The following THNSL1 variants were observed in gnomAD, a reference collection of about 807,000 sequenced individuals.
THNSL1 encodes threonine synthase like 1.
In THNSL1, 48 loss-of-function variants were observed where a neutral mutation model predicts 50.4. That is an observed-to-expected ratio of 0.95 (90% CI 0.76 to 1.21). The LOEUF (loss-of-function observed/expected upper bound fraction) is 1.21. Among genes scored for constraint, THNSL1 ranks in the 50% most tolerant of loss-of-function variants. THNSL1 has a pLI of 0.00. For synonymous variants in THNSL1, 309 were observed against 306.1 expected (o/e 1.01, Z -0.10); for missense variants, 896 against 871.7 (o/e 1.03, Z -0.35).
chr10:24,989,511 A>G, the THNSL1 span, among the ~76,000 whole-genome samples: 340 of 152,334 alleles, frequency 2.2e-3, no homozygotes, highest in African/African-American at 7.3e-3. Flanking sequence ...CTGCACACAT[A>G]CACATATTCA....
At chr10:24,999,424 G>A in the THNSL1 span, 3 of 1,608,598 alleles carry the variant, frequency 1.9e-6, no homozygotes, top group African/African-American at 1.3e-5. Context: ...TTTTTCCTTT[G>A]AATGTTTCTT....
the THNSL1 span, among the ~76,000 whole-genome samples, chr10:24,979,619 C>T: frequency 6.6e-6 from 1 of 152,142 alleles, no homozygotes; most frequent in East Asian, 1.9e-4. Flanking sequence ...AGAGCTTATT[C>T]ATTGCCTTCT....
At chr10:24,988,664 G>GTATA in the THNSL1 span, among the ~76,000 whole-genome samples, 2 of 98,840 alleles carry the variant, frequency 2.0e-5, no homozygotes, top group Non-Finnish European at 4.3e-5. Context: ...CACAGCATAT[G>GTATA]TATATATATA....
chr10:24,984,618 A>T, the THNSL1 span: 1 of 1,088,024 alleles, frequency 9.2e-7, no homozygotes, highest in Non-Finnish European at 1.3e-6. Flanking sequence ...CATTCTGATT[A>T]AGACTATTTT....
chr10:25,018,909 A>G (rs766617095), intron 1 of THNSL1, among the ~76,000 whole-genome samples: 1 of 152,172 alleles, frequency 6.6e-6, no homozygotes, highest in Non-Finnish European at 1.5e-5. Context: ...AGTAATATAA[A>G]GACTAAGTGA....
chr10:25,018,659 G>GTTTTTTTTTTTTTTTTTTTTTTTTTTT (rs374289213), intron 1 of THNSL1, among the ~76,000 whole-genome samples: 1 of 93,716 alleles, frequency 1.1e-5, no homozygotes, highest in Admixed American at 1.3e-4. Flanking sequence ...AATGAGAGTT[G>GTTTTTTTTTTTTTTTTTTTTTTTTTTT]TTTTTTTTTT....
chr10:24,974,470 G>A, the THNSL1 span, among the ~76,000 whole-genome samples: 31 of 152,268 alleles, frequency 2.0e-4, 1 homozygote, highest in African/African-American at 5.8e-4. Flanking sequence ...GAAAGTAGAC[G>A]TCTTATGAAG....
the THNSL1 span, among the ~76,000 whole-genome samples, chr10:24,971,295 GGTTGCCACTAT>G: frequency 6.6e-6 from 1 of 151,854 alleles, no homozygotes; most frequent in African/African-American, 2.4e-5. Context: ...TGTAGAGACA[GGTTGCCACTAT>G]GTTACACAGG....
the THNSL1 span, among the ~76,000 whole-genome samples, chr10:24,969,643 G>A: frequency 6.6e-6 from 1 of 150,810 alleles, no homozygotes; most frequent in Non-Finnish European, 1.5e-5. Flanking sequence ...TTTCAAAACG[G>A]CTACTTAAGT....
upstream of THNSL1, among the ~76,000 whole-genome samples, chr10:25,016,428 G>T (rs915713239): frequency 2.0e-5 from 3 of 152,238 alleles, no homozygotes; most frequent in African/African-American, 7.2e-5. Flanking sequence ...CACCCAATAA[G>T]GTTTTTGTGA....
the THNSL1 span, among the ~76,000 whole-genome samples, chr10:24,978,955 T>C: frequency 2.6e-5 from 4 of 152,246 alleles, no homozygotes; most frequent in African/African-American, 7.2e-5. Context: ...CAGTCAGACC[T>C]GCTGATTTTT....
At chr10:25,022,402 G>T (rs1324957999) in intron 2 of THNSL1, among the ~76,000 whole-genome samples, 1 of 152,156 alleles carries the variant, frequency 6.6e-6, no homozygotes, top group Non-Finnish European at 1.5e-5. Flanking sequence ...GTTCTGTGCA[G>T]ATAAGGTTAT....
the THNSL1 span, among the ~76,000 whole-genome samples, chr10:24,974,124 T>C: frequency 1.1e-4 from 16 of 152,128 alleles, no homozygotes; most frequent in African/African-American, 3.9e-4. Context: ...GAACATATTA[T>C]AGGAGAGCAG....
the THNSL1 span, among the ~76,000 whole-genome samples, chr10:24,988,602 A>G: frequency 6.9e-6 from 1 of 145,084 alleles, no homozygotes; most frequent in South Asian, 2.2e-4. Flanking sequence ...CCAATGCACT[A>G]GTCACCACTG....
the THNSL1 span, among the ~76,000 whole-genome samples, chr10:24,996,377 A>T: frequency 6.6e-6 from 1 of 152,114 alleles, no homozygotes; most frequent in East Asian, 1.9e-4. Context: ...AACCGAGATC[A>T]TGCCATTGTA....
the THNSL1 span, chr10:24,990,422 T>G: frequency 5.7e-6 from 9 of 1,579,004 alleles, no homozygotes; most frequent in Non-Finnish European, 8.6e-7. Context: ...TCAGAGATGA[T>G]CCAAAGAGTT....
chr10:25,014,687 G>T (rs754791413), upstream of THNSL1, among the ~76,000 whole-genome samples: 1 of 152,160 alleles, frequency 6.6e-6, no homozygotes, highest in Non-Finnish European at 1.5e-5. Flanking sequence ...GAAACCAAAA[G>T]TTGGTGCAAC....
At chr10:24,958,449 C>T in the THNSL1 span, among the ~76,000 whole-genome samples, 9 of 152,208 alleles carry the variant, frequency 5.9e-5, no homozygotes, top group African/African-American at 1.2e-4. Flanking sequence ...AAGACTCTTG[C>T]TAACTTTGAA....
chr10:25,026,435 A>G lies in THNSL1; in HGVS notation c.*980A>G, dbSNP rs1441473408. 1 of 167,100 alleles carries G rather than the reference A, an allele frequency of 6.0e-6. No individual in the cohort carries two copies. Among genetic ancestry groups the G allele is most frequent in the Non-Finnish European group, 1.5e-5 (1 of 68,128 alleles). 10.4% of individuals were successfully genotyped at this position (167,100 alleles called of 1,614,324 possible). A position where few individuals can be genotyped will look rare whatever the true frequency, so the allele number is the denominator to read the frequency against. ...AATTAAGAGTACTTGAGTAGTCTCA[A>G]TAGGAGTGTATTTGTAGACAGCAGT... On this transcript the variant is annotated 3_prime_UTR_variant, in exon 3 of 3. Coordinates refer to ENST00000376356, the MANE Select transcript of THNSL1 (RefSeq NM_024838.5).
Sources: gnomAD v4.1 joint callset for allele counts (sites outside exome capture counted in the v4.1 genomes callset) on GRCh38, gnomAD v4.1.1 for gene constraint, MANE v1.5 for transcripts, NCBI Gene and HGNC (gene_info 2026-07-23, HGNC 2026-07-21) for gene names.